The following SAMMSON variants were observed in gnomAD, a reference collection of about 807,000 sequenced individuals.
SAMMSON encodes survival associated mitochondrial melanoma specific oncogenic non-coding RNA, also known as long intergenic non-protein coding RNA 1212.
At chr3:70,246,978 C>T (rs1304062169) in intron 4 of SAMMSON, among the ~76,000 whole-genome samples, 1 of 151,946 alleles carries the variant, frequency 6.6e-6, no homozygotes, top group East Asian at 1.9e-4. Context: ...CAATACAAGG[C>T]TCAGGGCATA....
chr3:70,352,006 A>G (rs1226578450), intron 7 of SAMMSON, among the ~76,000 whole-genome samples: 1 of 152,068 alleles, frequency 6.6e-6, no homozygotes, highest in Non-Finnish European at 1.5e-5. Flanking sequence ...GGGTATAATG[A>G]AAAGGATATA....
chr3:70,225,205 G>A (rs1034244350), intron 4 of SAMMSON, among the ~76,000 whole-genome samples: 6 of 152,048 alleles, frequency 3.9e-5, no homozygotes, highest in Non-Finnish European at 8.8e-5. Flanking sequence ...TTATTTTTTG[G>A]TTTAATAAGA....
intron 4 of SAMMSON, among the ~76,000 whole-genome samples, chr3:70,154,444 C>G (rs1007475296): frequency 6.6e-6 from 1 of 152,018 alleles, no homozygotes; most frequent in Non-Finnish European, 1.5e-5. Flanking sequence ...AGGCTGTGCT[C>G]TTAAGCACTG....
intron 4 of SAMMSON, among the ~76,000 whole-genome samples, chr3:70,122,553 T>G (rs187942214): frequency 6.4e-4 from 97 of 152,302 alleles, no homozygotes; most frequent in African/African-American, 2.2e-3. Flanking sequence ...ATATGCTTAT[T>G]AACAAATGTA....
At chr3:70,066,318 G>A (rs761270177) in intron 3 of SAMMSON, among the ~76,000 whole-genome samples, 17 of 151,972 alleles carry the variant, frequency 1.1e-4, no homozygotes, top group Non-Finnish European at 2.4e-4. Flanking sequence ...AACTTCAAAT[G>A]TTTCTTCAAA....
intron 4 of SAMMSON, among the ~76,000 whole-genome samples, chr3:70,153,343 A>G (rs2106688455): frequency 6.6e-6 from 1 of 152,142 alleles, no homozygotes; most frequent in South Asian, 2.1e-4. Flanking sequence ...TTACAATGTC[A>G]GTGAAATTTT....
intron 4 of SAMMSON, among the ~76,000 whole-genome samples, chr3:70,150,539 A>G (rs1464736121): frequency 1.3e-5 from 2 of 152,064 alleles, no homozygotes; most frequent in Non-Finnish European, 2.9e-5. Flanking sequence ...GAGTTGAACC[A>G]TAGTTGGCTT....
At chr3:70,264,502 C>T (rs1316198277) in intron 6 of SAMMSON, among the ~76,000 whole-genome samples, 1 of 152,178 alleles carries the variant, frequency 6.6e-6, no homozygotes, top group Admixed American at 6.5e-5. Flanking sequence ...ATATTCTCTC[C>T]CTGTTAGAGA....
In SAMMSON at chr3:70,317,656, A is replaced by G. The variant is rs1269624583; in HGVS notation, n.739+26413A>G. 4.0e-5 allele frequency among the ~76,000 whole-genome samples: 6 copies of G among 151,604 alleles called. No individual in the cohort carries two copies. The East Asian group carries it at 9.7e-4, about 24-fold the overall frequency. ...TATGGATATACACGCGTGTATAGAA[A>G]CACACTGTTCACTTAGCTGTCTTAA... On this transcript the variant is annotated intron_variant and non_coding_transcript_variant, in intron 7 of 9. Coordinates refer to ENST00000642114, the Ensembl canonical transcript of SAMMSON.
chr3:70,125,514 G>A (rs2067453456), intron 4 of SAMMSON: 10 of 706,430 alleles, frequency 1.4e-5, no homozygotes, highest in Non-Finnish European at 2.5e-5. Context: ...TTCAAATTAG[G>A]TTTGGGAAAG....
chr3:70,073,891 T>C (rs1434273177), intron 4 of SAMMSON, among the ~76,000 whole-genome samples: 4 of 152,034 alleles, frequency 2.6e-5, no homozygotes, highest in Non-Finnish European at 5.9e-5. Flanking sequence ...TTATTAAAAA[T>C]AGGGCTAGAA....
At position 70,224,536 on chromosome 3, in the gene SAMMSON, T is replaced by C. The variant is rs555895573; in HGVS notation, n.508-24571T>C. Among the ~76,000 whole-genome samples the C allele has an allele frequency of 1.1e-4, 16 of 152,302 alleles. No individual in the cohort carries two copies. The South Asian group carries it at 3.3e-3, about 32-fold the overall frequency. ...AGATAGGAAAGCACCCTGCAGAGGA[T>C]ACATTTAACACAACACTATAATTTC... On this transcript the variant is annotated intron_variant and non_coding_transcript_variant, in intron 4 of 9. Coordinates refer to ENST00000642114, the Ensembl canonical transcript of SAMMSON.
intron 2 of SAMMSON, among the ~76,000 whole-genome samples, chr3:70,411,032 A>C (rs115630796): frequency 7.9e-4 from 121 of 152,316 alleles, no homozygotes; most frequent in African/African-American, 2.8e-3. Flanking sequence ...ATTGTTTAGC[A>C]CAACCGACCA....
intron 6 of SAMMSON, among the ~76,000 whole-genome samples, chr3:70,284,709 C>A (rs995521288): frequency 6.6e-6 from 1 of 152,060 alleles, no homozygotes; most frequent in Non-Finnish European, 1.5e-5. Flanking sequence ...AACACATGGC[C>A]ACAGGGAGGG....
intron 7 of SAMMSON, among the ~76,000 whole-genome samples, chr3:70,313,027 GAA>G (rs1295003311): frequency 1.3e-5 from 2 of 152,132 alleles, no homozygotes; most frequent in Non-Finnish European, 2.9e-5. Flanking sequence ...TTGATAGTTT[GAA>G]AAGTGAGTGT....
At position 70,120,884 on chromosome 3, in the gene SAMMSON, G is replaced by T. The variant is rs550360658; in HGVS notation, n.507+49319G>T. Among the ~76,000 whole-genome samples, 4 of 152,222 alleles carry T rather than the reference G, an allele frequency of 2.6e-5. No homozygotes were observed. In the South Asian group the frequency reaches 8.3e-4, roughly 32 times the overall value. ...TGGAGGTGTGGGGGGATGGTTTCGGGATGATTCAAGCGCATTACATTTATT... is the reference window on the plus strand; with the variant it reads ...TGGAGGTGTGGGGGGATGGTTTCGGTATGATTCAAGCGCATTACATTTATT... On this transcript the variant is annotated intron_variant and non_coding_transcript_variant, in intron 4 of 9. Transcript: ENST00000642114.
At chr3:70,068,483 G>T (rs886901426) in intron 3 of SAMMSON, 2 of 152,046 alleles carry the variant, frequency 1.3e-5, no homozygotes, top group East Asian at 3.9e-4. Flanking sequence ...TATCATAAAT[G>T]TGCTTATTTG....
chr3:70,262,043 C>T (rs1265279470), intron 6 of SAMMSON, among the ~76,000 whole-genome samples: 2 of 152,170 alleles, frequency 1.3e-5, no homozygotes, highest in African/African-American at 4.8e-5. Flanking sequence ...TTGAGCCATT[C>T]CTCATGTGTC....
chr3:70,397,733 T>G (rs1701104202), intron 2 of SAMMSON, among the ~76,000 whole-genome samples: 1 of 152,146 alleles, frequency 6.6e-6, no homozygotes, highest in Non-Finnish European at 1.5e-5. Context: ...TCTTAATATG[T>G]ATGATCTAAT....
Sources: gnomAD v4.1 joint callset for allele counts (sites outside exome capture counted in the v4.1 genomes callset) on GRCh38, gnomAD v4.1.1 for gene constraint, MANE v1.5 for transcripts, NCBI Gene and HGNC (gene_info 2026-07-23, HGNC 2026-07-21) for gene names.